Variants in ZDHHC5 observed in about 807,000 individuals in gnomAD.
ZDHHC5 encodes zDHHC palmitoyltransferase 5.
Under a neutral mutation model 70.0 loss-of-function variants are expected in ZDHHC5, and 22 were observed. The ratio of observed to expected loss-of-function variants is 0.31; its 90% CI spans 0.22 to 0.45. The LOEUF is 0.45. Among genes scored for constraint, ZDHHC5 ranks in the 20% least tolerant of loss-of-function variants. The pLI is 1.00. For synonymous variants in ZDHHC5, 313 were observed against 347.8 expected, an observed-to-expected ratio of 0.90 and a Z score of 1.11; for missense variants, 746 against 926.9, an observed-to-expected ratio of 0.80 and a Z score of 2.53.
At chr11:57,685,779 A>G (rs1241533619) in intron 3 of ZDHHC5, among the ~76,000 whole-genome samples, 3 of 151,966 alleles carry the variant, frequency 2.0e-5, no homozygotes, top group African/African-American at 4.8e-5. Context: ...TGTAATCCCA[A>G]CTCTTTGGGT....
rs376577188 is a variant in ZDHHC5, at chr11:57,682,550, T to C, written c.226+7T>C. The stretch of plus-strand genomic sequence containing the variant: ...CCAGGGATTTTCCCTCGAGGTAAGA[T>C]CTGCTTCTCTCTTAGAAGCACCTTA... On this transcript the variant is annotated splice_region_variant and intron_variant, in intron 3 of 11. Coordinates refer to ENST00000287169, the MANE Select transcript of ZDHHC5 (RefSeq NM_015457.3). The C allele has an allele frequency of 1.2e-6, 2 of 1,613,902 alleles. No homozygotes were observed. Among genetic ancestry groups the C allele is most frequent in the Non-Finnish European group, 1.7e-6 (2 of 1,179,882 alleles).
chr11:57,687,901 G>A (rs1272428470), intron 3 of ZDHHC5, among the ~76,000 whole-genome samples: 1 of 151,380 alleles, frequency 6.6e-6, no homozygotes, highest in African/African-American at 2.4e-5. Flanking sequence ...CTCCTGAGTA[G>A]CTGGGACTAC....
intron 6 of ZDHHC5, among the ~76,000 whole-genome samples, chr11:57,691,000 T>A (rs540111723): frequency 1.3e-5 from 2 of 152,122 alleles, no homozygotes; most frequent in Non-Finnish European, 2.9e-5. Flanking sequence ...AGTATAATAA[T>A]AATAAAGATA....
rs1946429248 is a variant in ZDHHC5, at chr11:57,700,507, C to G, written c.*476C>G. On this transcript the variant is annotated 3_prime_UTR_variant, in exon 12 of 12. Coordinates refer to ENST00000287169, the MANE Select transcript of ZDHHC5 (RefSeq NM_015457.3). ...GAGGGATACATATACGGAGGGGGAT[C>G]TTACTCTTCCCATTCCTCAGACCAG... 6.6e-6 allele frequency: 1 copy of G among 151,880 alleles called. No homozygotes were observed. Among genetic ancestry groups the G allele is most frequent in the African/African-American group, 2.4e-5 (1 of 41,178 alleles). The allele number at this position is 151,880 out of a possible 1,614,324, so 9.4% of individuals were successfully genotyped here.
At position 57,700,947 on chromosome 11, in the gene ZDHHC5, T is replaced by G. The variant is rs1946435198; in HGVS notation, c.*916T>G. On this transcript the variant is annotated 3_prime_UTR_variant, in exon 12 of 12. Coordinates refer to ENST00000287169, the MANE Select transcript of ZDHHC5 (RefSeq NM_015457.3). ...GAGAGAAGAATCCAAAAAGCAATAT[T>G]TTTCATCACATGCCAAAAACGGGGG... 6.6e-6 allele frequency: 1 copy of G among 152,654 alleles called. No homozygotes were observed. Among genetic ancestry groups the G allele is most frequent in the African/African-American group, 2.4e-5 (1 of 41,432 alleles). 9.5% of individuals were successfully genotyped at this position (152,654 alleles called of 1,614,324 possible). A position where few individuals can be genotyped will look rare whatever the true frequency, so the allele number is the denominator to read the frequency against.
intron 1 of ZDHHC5, among the ~76,000 whole-genome samples, chr11:57,669,748 CG>C: frequency 6.6e-6 from 1 of 152,316 alleles, no homozygotes; most frequent in South Asian, 2.1e-4. Context: ...CGTGAGCCCC[CG>C]TGCCCAGCTG....
At chr11:57,693,373 G>A (rs545591135) in intron 7 of ZDHHC5, among the ~76,000 whole-genome samples, 40 of 152,278 alleles carry the variant, frequency 2.6e-4, no homozygotes, top group Non-Finnish European at 3.7e-4. Context: ...GAGCTCAGGT[G>A]ATAATGCTCA....
At chr11:57,698,532 AAG>A in intron 10 of ZDHHC5, 25 bp from the exon 11 acceptor site, 2 of 1,563,582 alleles carry the variant, frequency 1.3e-6, no homozygotes, top group Non-Finnish European at 8.6e-7. Flanking sequence ...AAGGAGCACT[AAG>A]AGCCTGCTTT....
At chr11:57,673,746 A>T (rs1328598100) in intron 2 of ZDHHC5, among the ~76,000 whole-genome samples, 1 of 151,912 alleles carries the variant, frequency 6.6e-6, no homozygotes, top group Non-Finnish European at 1.5e-5. Flanking sequence ...AATTTTTTTT[A>T]TTTTCAGTAG....
At chr11:57,693,172 T>G (rs1425088239) in intron 7 of ZDHHC5, among the ~76,000 whole-genome samples, 1 of 152,116 alleles carries the variant, frequency 6.6e-6, no homozygotes, top group Non-Finnish European at 1.5e-5. Flanking sequence ...CTGGGCAAGG[T>G]GGCAGGCACC....
At chr11:57,681,138 CTCTTA>C (rs914862333) in intron 2 of ZDHHC5, among the ~76,000 whole-genome samples, 1 of 152,180 alleles carries the variant, frequency 6.6e-6, no homozygotes, top group African/African-American at 2.4e-5. Context: ...ACAGTTTTGT[CTCTTA>C]TCTTGATTTG....
At chr11:57,680,334 G>A (rs569365801) in intron 2 of ZDHHC5, among the ~76,000 whole-genome samples, 20 of 152,154 alleles carry the variant, frequency 1.3e-4, no homozygotes, top group African/African-American at 4.6e-4. Context: ...CTGTGATCTT[G>A]CCACTACACT....
chr11:57,694,485 C>G (rs922122675), intron 8 of ZDHHC5, among the ~76,000 whole-genome samples: 1 of 151,956 alleles, frequency 6.6e-6, no homozygotes, highest in African/African-American at 2.4e-5. Flanking sequence ...CCTCAGCCAC[C>G]TGGGTAGCTG....
chr11:57,674,227 C>T (rs576383896), intron 2 of ZDHHC5, among the ~76,000 whole-genome samples: 7 of 151,864 alleles, frequency 4.6e-5, no homozygotes, highest in African/African-American at 7.3e-5. Flanking sequence ...GATCTAGGAT[C>T]TGCATCATTC....
chr11:57,691,708 A>C (rs1025842239), intron 6 of ZDHHC5, among the ~76,000 whole-genome samples: 1 of 152,138 alleles, frequency 6.6e-6, no homozygotes, highest in African/African-American at 2.4e-5. Context: ...GTCAAAAATC[A>C]TATTAATAGA....
intron 6 of ZDHHC5, among the ~76,000 whole-genome samples, chr11:57,691,128 G>C (rs1431472188): frequency 1.3e-5 from 2 of 151,958 alleles, no homozygotes; most frequent in Non-Finnish European, 2.9e-5. Context: ...CTGGCATCCA[G>C]TGGCGTGATC....
chr11:57,699,982 T>G lies in ZDHHC5; in HGVS notation c.2099T>G (p.Val700Gly). ...PPLSSPTRGGVKKVSGVGGTT... is the reference protein window; with the variant it reads ...PPLSSPTRGGGKKVSGVGGTT... Reference sequence around the variant, plus strand: ...CTCAGTAGCCCCACGAGGGGAGGAGTCAAGAAGGTGTCAGGGGTTGGTGGT... The same window carrying G: ...CTCAGTAGCCCCACGAGGGGAGGAGGCAAGAAGGTGTCAGGGGTTGGTGGT... Residue 700 changes from valine (V) to glycine (G), a missense_variant, in exon 12 of 12, where the codon GTC becomes GGC. Val to Gly is a moderately radical substitution (Grantham distance 109). Transcript: ENST00000287169. 6.2e-7 allele frequency: 1 copy of G among 1,611,636 alleles called. No homozygotes were observed. Among genetic ancestry groups the G allele is most frequent in the Non-Finnish European group, 8.5e-7 (1 of 1,179,052 alleles).
chr11:57,696,279 A>G (rs1378040313), intron 9 of ZDHHC5, among the ~76,000 whole-genome samples: 1 of 152,220 alleles, frequency 6.6e-6, no homozygotes, highest in Non-Finnish European at 1.5e-5. Flanking sequence ...AGACCAGAGA[A>G]CATCACAGAA....
rs1462537976 is a variant in ZDHHC5 at position 57,694,064 on chromosome 11, T to C, written c.885+149T>C. The C allele has an allele frequency of 8.3e-6, 9 of 1,088,638 alleles. No individual in the cohort carries two copies. The Admixed American group carries it at 2.6e-4, about 32-fold the overall frequency. 67.4% of individuals were successfully genotyped at this position (1,088,638 alleles called of 1,614,324 possible). ...TGCCCAGGCTGGAGTGCAGTGGTGC[T>C]CAGTGCAAACTCTGCCTCCCAGGTT... On this transcript the variant is annotated intron_variant, in intron 8 of 11. Coordinates refer to ENST00000287169, the MANE Select transcript of ZDHHC5 (RefSeq NM_015457.3).
Sources: gnomAD v4.1 joint callset for allele counts (sites outside exome capture counted in the v4.1 genomes callset) on GRCh38, gnomAD v4.1.1 for gene constraint, MANE v1.5 for transcripts, NCBI Gene and HGNC (gene_info 2026-07-23, HGNC 2026-07-21) for gene names.